Variants in KIF3B observed in about 807,000 individuals in gnomAD.
KIF3B encodes kinesin family member 3B.
A neutral mutation model predicts 74.3 loss-of-function variants in KIF3B; 38 were observed. The ratio of observed to expected loss-of-function variants is 0.51; its 90% CI spans 0.39 to 0.67. The LOEUF (loss-of-function observed/expected upper bound fraction) is 0.67, where lower values mean the gene tolerates loss of function less well. Among genes scored for constraint, KIF3B ranks in the 30% least tolerant of loss-of-function variants. The pLI is 0.00. For missense variants in KIF3B, 649 were observed against 932.0 expected (o/e 0.70, Z 3.95); for synonymous variants, 326 against 342.5 (o/e 0.95, Z 0.53).
At position 32,309,858 on chromosome 20, in the gene KIF3B, G is replaced by C; in HGVS notation, c.81G>C (p.Ser27=). 1 of 1,614,156 alleles carries C rather than the reference G, an allele frequency of 6.2e-7. No homozygotes were observed. The highest frequency in any genetic ancestry group is 8.5e-7 in the Non-Finnish European group (1 of 1,180,040). ...RPMNGKEKAA[S]YDKVVDVDVK... Reference sequence around the variant, plus strand: ...TGAATGGCAAGGAAAAGGCTGCTTCGTATGACAAAGTGGTGGATGTGGATG... The same window carrying C: ...TGAATGGCAAGGAAAAGGCTGCTTCCTATGACAAAGTGGTGGATGTGGATG... Residue 27 remains serine, a synonymous_variant, in exon 2 of 9, where the codon TCG becomes TCC. Coordinates refer to ENST00000375712, the MANE Select transcript of KIF3B (RefSeq NM_004798.4).
At chr20:32,316,491 C>G in intron 3 of KIF3B, 36 bp from the exon 4 acceptor site, 1 of 1,613,044 alleles carries the variant, frequency 6.2e-7, no homozygotes, top group Non-Finnish European at 8.5e-7. Flanking sequence ...GACACAGTCT[C>G]TAGGGCAAGC....
chr20:32,321,061 A>G (rs2122706443), intron 5 of KIF3B, among the ~76,000 whole-genome samples: 1 of 152,220 alleles, frequency 6.6e-6, no homozygotes, highest in South Asian at 2.1e-4. Context: ...AGTGTTTTGG[A>G]TGCAGATATC....
rs1274680114 is a variant in KIF3B at position 32,333,645 on chromosome 20, A to AC, written c.*2326_*2327insC. On this transcript the variant is annotated 3_prime_UTR_variant, in exon 9 of 9. Coordinates refer to ENST00000375712, the MANE Select transcript of KIF3B (RefSeq NM_004798.4). ...GAGACTCCCCCTCAAAAAAAAAAAA[A>AC]AAAAAAAAAAAAACAGAAAGAAAGA... is the stretch of plus-strand genomic sequence containing the variant. 2 of 151,092 alleles carry AC rather than the reference A, an allele frequency of 1.3e-5. No homozygotes were observed. Among genetic ancestry groups the AC allele is most frequent in the African/African-American group, 2.4e-5 (1 of 41,010 alleles). The allele number at this position is 151,092 out of a possible 1,614,324, so 9.4% of individuals were successfully genotyped here.
rs551722603 is a variant in KIF3B, at chr20:32,286,953, G to A, written c.-66+9188G>A. On this transcript the variant is annotated intron_variant, in intron 1 of 8. Transcript: ENST00000375712. ...CCCCTTAAATAATGTTTTTAACATG[G>A]CAGTGTTAACCTAAAGCTGAAAAGA... 6.6e-5 allele frequency among the ~76,000 whole-genome samples: 10 copies of A among 152,196 alleles called. No individual in the cohort carries two copies. The East Asian group carries it at 1.7e-3, about 26-fold the overall frequency.
chr20:32,310,122 A>G lies in KIF3B; in HGVS notation c.345A>G (p.Lys115=). Residue 115 remains lysine (K), a synonymous_variant, in exon 2 of 9, where the codon AAA becomes AAG. Coordinates refer to ENST00000375712, the MANE Select transcript of KIF3B (RefSeq NM_004798.4). This position sits in a 1 kb window ranked among gnomAD's most constrained non-coding sequence, Gnocchi z 6.5. ...TMEGIRGDPE[K]RGVIPNSFDH... ...AAGGAATCCGTGGTGACCCTGAAAA[A>G]AGAGGAGTCATTCCTAACTCATTTG... 1 of 1,614,150 alleles carries G rather than the reference A, an allele frequency of 6.2e-7. No individual in the cohort carries two copies. The highest frequency in any genetic ancestry group is 8.5e-7 in the Non-Finnish European group (1 of 1,180,018).
chr20:32,303,157 A>G (rs2047752356), intron 1 of KIF3B, among the ~76,000 whole-genome samples: 1 of 152,184 alleles, frequency 6.6e-6, no homozygotes, highest in African/African-American at 2.4e-5. Flanking sequence ...TTCCTTTTGC[A>G]TAGTTTTCTT....
intron 1 of KIF3B, among the ~76,000 whole-genome samples, chr20:32,283,206 TA>T (rs952985548): frequency 6.6e-6 from 1 of 150,988 alleles, no homozygotes. Context: ...CTGGCTAATT[TA>T]AAAAAAAATG....
chr20:32,305,262 C>T (rs959094251), intron 1 of KIF3B, among the ~76,000 whole-genome samples: 9 of 151,532 alleles, frequency 5.9e-5, no homozygotes, highest in Non-Finnish European at 1.0e-4. Flanking sequence ...CTTGGGAGGC[C>T]GAGGTGGGAG....
At position 32,332,261 on chromosome 20, in the gene KIF3B, G is replaced by A. The variant is rs1382161317; in HGVS notation, c.*942G>A. ...CTCTGCCTTCTCTGATGGGACTGGA[G>A]TTGAGGGAAGGAGCTGTATTGTGGC... On this transcript the variant is annotated 3_prime_UTR_variant, in exon 9 of 9. Transcript: ENST00000375712. The A allele has an allele frequency of 6.5e-6, 1 of 152,778 alleles. No homozygotes were observed. Among genetic ancestry groups the A allele is most frequent in the East Asian group, 1.9e-4 (1 of 5,200 alleles). The allele number at this position is 152,778 out of a possible 1,614,324, so 9.5% of individuals were successfully genotyped here.
At chr20:32,290,105 G>C (rs1600417782) in intron 1 of KIF3B, among the ~76,000 whole-genome samples, 1 of 152,050 alleles carries the variant, frequency 6.6e-6, no homozygotes. Context: ...TCAGAACTAC[G>C]AATGATAGGC....
chr20:32,295,784 G>A (rs929606149), intron 1 of KIF3B, among the ~76,000 whole-genome samples: 5 of 151,054 alleles, frequency 3.3e-5, no homozygotes, highest in African/African-American at 7.3e-5. Flanking sequence ...CATAAATTTA[G>A]GATAAGTAGG....
intron 8 of KIF3B, among the ~76,000 whole-genome samples, chr20:32,330,807 C>A (rs1389436130): frequency 6.6e-6 from 1 of 152,234 alleles, no homozygotes; most frequent in African/African-American, 2.4e-5. Flanking sequence ...AGTCTCTGGG[C>A]CTCCATGCTA....
chr20:32,311,072 A>G lies in KIF3B; in HGVS notation c.1295A>G (p.His432Arg). 6.2e-7 allele frequency: 1 copy of G among 1,613,902 alleles called. No homozygotes were observed. Among genetic ancestry groups the G allele is most frequent in the African/African-American group, 1.3e-5 (1 of 75,024 alleles). The change falls in exon 2 of 9, where the codon CAC becomes CGC. Residue 432 changes from histidine (H) to arginine (R), a missense_variant. Around this residue, in one of 4 missense-constraint regions of KIF3B, gnomAD observed 363 missense variants for 592.8 expected, o/e 0.61. Transcript: ENST00000375712. ...GAGAAGCGGGCCATTGTAGAGGATC[A>G]CAGCTTGGTTGCAGAGGAGAAGATG... Reference protein sequence around the residue: ...EIEKRAIVEDHSLVAEEKMRL... With the variant: ...EIEKRAIVEDRSLVAEEKMRL...
intron 7 of KIF3B, among the ~76,000 whole-genome samples, chr20:32,329,091 G>A (rs1221157523): frequency 6.6e-6 from 1 of 152,074 alleles, no homozygotes; most frequent in African/African-American, 2.4e-5. Flanking sequence ...TATTTTTAGT[G>A]GAGACAGGGT....
rs764215915 is a variant in KIF3B, at chr20:32,331,344, G to A, written c.*25G>A. On this transcript the variant is annotated 3_prime_UTR_variant, in exon 9 of 9. Coordinates refer to ENST00000375712, the MANE Select transcript of KIF3B (RefSeq NM_004798.4). ...AAGCCAGCTTCTCCTCTCCCAGGGC[G>A]GAAACAGCATTTGCCTTCTGAGAGA... 4 of 1,567,498 alleles carry A rather than the reference G, an allele frequency of 2.6e-6. No homozygotes were observed. Among genetic ancestry groups the A allele is most frequent in the Admixed American group, 1.8e-5 (1 of 54,744 alleles).
At chr20:32,315,554 A>G (rs1600432536) in intron 2 of KIF3B, among the ~76,000 whole-genome samples, 1 of 152,128 alleles carries the variant, frequency 6.6e-6, no homozygotes, top group East Asian at 1.9e-4. Context: ...TCAATCAGTC[A>G]ATCAACCAAT....
At position 32,303,374 on chromosome 20, in the gene KIF3B, G is replaced by A. The variant is rs2047753450; in HGVS notation, c.-65-6339G>A. ...GAGGCCAGGAGTTCCAGACCAGCTT[G>A]GCCATCATGGTGAAACCCCATCTCT... is the stretch of plus-strand genomic sequence containing the variant. On this transcript the variant is annotated intron_variant, in intron 1 of 8. Coordinates refer to ENST00000375712, the MANE Select transcript of KIF3B (RefSeq NM_004798.4). 2.0e-5 allele frequency among the ~76,000 whole-genome samples: 3 copies of A among 151,904 alleles called. No homozygotes were observed. In the South Asian group the frequency reaches 6.2e-4, roughly 32 times the overall value.
Position 32,327,648 on chromosome 20 carries a change from A to T in KIF3B, c.1955A>T (p.Glu652Val), listed in dbSNP as rs1303437770. The change falls in exon 7 of 9, where the codon GAG becomes GTG. Residue 652 changes from glutamate to valine, a missense_variant. This residue lies in a region of KIF3B where 186 missense variants were observed against 198.5 expected (regional missense o/e 0.94). Transcript: ENST00000375712. Reference sequence around the variant, plus strand: ...AGAATGTCCATGATGATTCGTCCAGAGGCCCGATATAGGGTGAGAAGATCC... The same window carrying T: ...AGAATGTCCATGATGATTCGTCCAGTGGCCCGATATAGGGTGAGAAGATCC... ...HARMSMMIRP[E>V]ARYRAENIVL... The T allele has an allele frequency of 6.2e-7, 1 of 1,612,826 alleles. No homozygotes were observed. The highest frequency in any genetic ancestry group is 8.5e-7 in the Non-Finnish European group (1 of 1,179,360).
chr20:32,283,063 A>G (rs760382209), intron 1 of KIF3B, among the ~76,000 whole-genome samples: 1 of 151,692 alleles, frequency 6.6e-6, no homozygotes, highest in East Asian at 1.9e-4. Context: ...GGAGACAGGG[A>G]CTCCCTCTGT....
Sources: gnomAD v4.1 joint callset for allele counts (sites outside exome capture counted in the v4.1 genomes callset) on GRCh38, gnomAD v4.1.1 for gene constraint, gnomAD v4.1.1 regional missense constraint, Gnocchi (gnomAD v3.1) non-coding constraint, MANE v1.5 for transcripts, NCBI Gene and HGNC (gene_info 2026-07-23, HGNC 2026-07-21) for gene names.